The following DIS3L2 variants were observed in gnomAD, a reference collection of about 807,000 sequenced individuals.
DIS3L2 encodes DIS3-like exonuclease 2.
Under a neutral mutation model 97.5 loss-of-function variants are expected in DIS3L2, and 34 were observed. That is an observed-to-expected ratio of 0.35 (90% CI 0.27 to 0.46). DIS3L2 has a LOEUF of 0.46. Ranked by LOEUF, DIS3L2 falls within the 20% of genes least tolerant of loss-of-function variation. The probability of loss-of-function intolerance (pLI) is 1.00; values close to 1 mark genes in which losing one functional copy is unlikely to be tolerated. For synonymous variants in DIS3L2, 435 were observed against 445.2 expected (o/e 0.98, Z 0.29); for missense variants, 1,038 against 1,146.0 (o/e 0.91, Z 1.36).
intron 7 of DIS3L2, chr2:232,131,599 A>G (rs1698218269): frequency 1.3e-5 from 2 of 152,184 alleles, no homozygotes; most frequent in Non-Finnish European, 2.9e-5. Context: ...GCTGACTTCT[A>G]GCTGTGCACA....
intron 6 of DIS3L2, among the ~76,000 whole-genome samples, chr2:232,119,623 A>G (rs943414453): frequency 2.0e-5 from 3 of 152,226 alleles, no homozygotes; most frequent in Non-Finnish European, 4.4e-5. Context: ...CCTGGGCAAG[A>G]GAAAGATTTG....
chr2:232,063,525 C>A (rs1248634988), intron 5 of DIS3L2, among the ~76,000 whole-genome samples: 1 of 152,096 alleles, frequency 6.6e-6, no homozygotes, highest in Non-Finnish European at 1.5e-5. Flanking sequence ...TGCAGTGACA[C>A]CTGTCTACTT....
chr2:232,287,112 T>C (rs574164293), intron 13 of DIS3L2, among the ~76,000 whole-genome samples: 1 of 152,284 alleles, frequency 6.6e-6, no homozygotes, highest in Admixed American at 6.5e-5. Flanking sequence ...GACTTTGAGA[T>C]CCTCTGTCTG....
At chr2:232,125,730 C>G (rs1231062548) in intron 6 of DIS3L2, among the ~76,000 whole-genome samples, 3 of 152,180 alleles carry the variant, frequency 2.0e-5, no homozygotes, top group African/African-American at 7.2e-5. Flanking sequence ...CCTCCCAAGT[C>G]TTGCCTTGAC....
intron 5 of DIS3L2, among the ~76,000 whole-genome samples, chr2:232,030,504 G>A (rs1694776161): frequency 6.6e-6 from 1 of 152,182 alleles, no homozygotes; most frequent in African/African-American, 2.4e-5. Flanking sequence ...GTGGAGTTCT[G>A]TTGGCCCAGT....
At chr2:232,069,315 A>G (rs1202627840) in intron 5 of DIS3L2, among the ~76,000 whole-genome samples, 1 of 152,192 alleles carries the variant, frequency 6.6e-6, no homozygotes, top group Non-Finnish European at 1.5e-5. Context: ...TCTATCAAAA[A>G]TTGTTGTGAT....
At chr2:232,222,627 C>T (rs567596218) in intron 10 of DIS3L2, among the ~76,000 whole-genome samples, 1 of 152,260 alleles carries the variant, frequency 6.6e-6, no homozygotes, top group East Asian at 1.9e-4. Context: ...CCTGCCACCA[C>T]ATCCAGCTAA....
intron 13 of DIS3L2, among the ~76,000 whole-genome samples, chr2:232,280,957 C>G (rs1694266806): frequency 6.6e-6 from 1 of 152,134 alleles, no homozygotes; most frequent in Admixed American, 6.5e-5. Context: ...AAGAATGTCC[C>G]AGGCAGAGCA....
chr2:232,280,525 C>G (rs977955798), intron 13 of DIS3L2, among the ~76,000 whole-genome samples: 2 of 152,204 alleles, frequency 1.3e-5, no homozygotes, highest in Admixed American at 1.3e-4. Flanking sequence ...ATGCTTTAAT[C>G]TCATAACTGA....
At chr2:232,039,071 G>A (rs968602168) in intron 5 of DIS3L2, among the ~76,000 whole-genome samples, 5 of 152,126 alleles carry the variant, frequency 3.3e-5, no homozygotes, top group African/African-American at 1.2e-4. Context: ...TGGAGCTCCC[G>A]AGAGTCTTCA....
chr2:231,988,133 G>A (rs1402164124), intron 1 of DIS3L2, among the ~76,000 whole-genome samples: 1 of 152,174 alleles, frequency 6.6e-6, no homozygotes, highest in African/African-American at 2.4e-5. Flanking sequence ...GTGAGCCACC[G>A]CACCTGGCCT....
intron 1 of DIS3L2, among the ~76,000 whole-genome samples, chr2:231,962,886 C>G (rs1692607698): frequency 6.6e-6 from 1 of 152,132 alleles, no homozygotes; most frequent in Non-Finnish European, 1.5e-5. Context: ...GCCTCCAGCT[C>G]CATCTGTGCT....
intron 10 of DIS3L2, among the ~76,000 whole-genome samples, chr2:232,222,523 T>G (rs1001977755): frequency 2.6e-5 from 4 of 152,080 alleles, no homozygotes; most frequent in South Asian, 4.1e-4. Context: ...CAGGCTGGAG[T>G]GCGATGGCGC....
chr2:232,275,190 C>G (rs1694109342), intron 13 of DIS3L2, among the ~76,000 whole-genome samples: 1 of 152,224 alleles, frequency 6.6e-6, no homozygotes, highest in South Asian at 2.1e-4. Context: ...GCCCCATTCC[C>G]CATCTCTCCC....
At chr2:231,971,445 A>ATTGTTTGT (rs753346691) in intron 1 of DIS3L2, among the ~76,000 whole-genome samples, 1 of 150,828 alleles carries the variant, frequency 6.6e-6, no homozygotes, top group South Asian at 2.1e-4. Flanking sequence ...CGCCCAGCTC[A>ATTGTTTGT]TTGTTTGTTT....
intron 13 of DIS3L2, among the ~76,000 whole-genome samples, chr2:232,266,135 T>C (rs1693852698): frequency 6.6e-6 from 1 of 152,218 alleles, no homozygotes; most frequent in African/African-American, 2.4e-5. Flanking sequence ...TGAAATACTG[T>C]AAAAACTGTA....
intron 10 of DIS3L2, among the ~76,000 whole-genome samples, chr2:232,223,282 G>C (rs888860891): frequency 4.6e-5 from 7 of 152,196 alleles, no homozygotes; most frequent in African/African-American, 1.7e-4. Flanking sequence ...ACACCAGAAA[G>C]AGCACTGCAA....
chr2:231,986,066 A>T (rs1307206402), intron 1 of DIS3L2, among the ~76,000 whole-genome samples: 2 of 152,060 alleles, frequency 1.3e-5, no homozygotes, highest in African/African-American at 4.8e-5. Flanking sequence ...TGGACATCAG[A>T]CTCTGGGTTC....
At position 232,194,809 on chromosome 2, in the gene DIS3L2, C is replaced by A. The variant is rs145241604; in HGVS notation, c.1125-15517C>A. 4.0e-3 allele frequency among the ~76,000 whole-genome samples: 608 copies of A among 152,208 alleles called. 2 individuals are homozygous for A. The highest frequency in any genetic ancestry group is 7.0e-3 in the Non-Finnish European group (476 of 68,004). On this transcript the variant is annotated intron_variant, in intron 9 of 20. Coordinates refer to ENST00000325385, the MANE Select transcript of DIS3L2 (RefSeq NM_152383.5). Reference sequence around the variant, plus strand: ...GAGTGTGTGCTGGGTGACCCGCAACCTGGAAGCACAGGAGGAGGTGTAGGT... The same window carrying A: ...GAGTGTGTGCTGGGTGACCCGCAACATGGAAGCACAGGAGGAGGTGTAGGT...
Sources: allele counts gnomAD v4.1 joint callset (sites outside exome capture counted in the v4.1 genomes callset), GRCh38; gene constraint gnomAD v4.1.1; transcripts MANE v1.5; gene names NCBI Gene and HGNC (gene_info 2026-07-23, HGNC 2026-07-21).